GCSAML: variants seen among roughly 807,000 people sequenced by gnomAD.
The protein encoded by GCSAML is germinal center-associated signaling and motility-like protein.
In GCSAML, 9 loss-of-function variants were observed where a neutral mutation model predicts 13.0. The ratio of observed to expected loss-of-function variants is 0.69; its 90% CI spans 0.42 to 1.21. The LOEUF (loss-of-function observed/expected upper bound fraction) is 1.21. Among genes scored for constraint, GCSAML ranks in the 50% most tolerant of loss-of-function variants. GCSAML has a pLI of 0.00. For missense variants in GCSAML, 143 were observed against 153.4 expected, an observed-to-expected ratio of 0.93 and a Z score of 0.36; for synonymous variants, 37 against 52.9, an observed-to-expected ratio of 0.70 and a Z score of 1.31.
At chr1:247,522,230 CG>C (rs1666465269) in intron 1 of GCSAML, among the ~76,000 whole-genome samples, 1 of 106,448 alleles carries the variant, frequency 9.4e-6, no homozygotes, top group Admixed American at 9.4e-5. Flanking sequence ...CCCAGCCAGC[CG>C]CCCTGTCCGG....
chr1:247,541,475 A>C (rs377697166), intron 2 of GCSAML, among the ~76,000 whole-genome samples: 4 of 152,106 alleles, frequency 2.6e-5, no homozygotes, highest in Non-Finnish European at 1.5e-5. Flanking sequence ...CTCATCCCCA[A>C]ATGGCTGAAA....
chr1:247,522,268 C>G (rs1484768433), intron 1 of GCSAML, among the ~76,000 whole-genome samples: 1 of 101,048 alleles, frequency 9.9e-6, no homozygotes. Context: ...AGCCCCCACC[C>G]GGCTAGCCGC....
chr1:247,564,501 AC>A (rs1304245907), intron 3 of GCSAML, among the ~76,000 whole-genome samples: 5 of 152,190 alleles, frequency 3.3e-5, no homozygotes, highest in African/African-American at 9.7e-5. Flanking sequence ...GGACAAGTAT[AC>A]CTAAAGGAAA....
At chr1:247,558,154 G>A (rs1187664395) in intron 2 of GCSAML, among the ~76,000 whole-genome samples, 2 of 152,198 alleles carry the variant, frequency 1.3e-5, no homozygotes, top group Non-Finnish European at 2.9e-5. Context: ...AGTCAGCATG[G>A]TGAGGAAGAT....
intron 1 of GCSAML, among the ~76,000 whole-genome samples, chr1:247,550,615 C>T (rs995354948): frequency 1.3e-5 from 2 of 151,316 alleles, no homozygotes; most frequent in Admixed American, 6.6e-5. Context: ...CCAGCCTGGG[C>T]GACAGAGCAA....
intron 1 of GCSAML, among the ~76,000 whole-genome samples, chr1:247,522,632 GA>G (rs1666492618): frequency 6.6e-6 from 1 of 152,152 alleles, no homozygotes; most frequent in Non-Finnish European, 1.5e-5. Flanking sequence ...CATGCTCTCT[GA>G]AACATGTGCT....
intron 2 of GCSAML, chr1:247,529,043 A>G (rs1666798197): frequency 6.6e-6 from 1 of 152,296 alleles, no homozygotes; most frequent in Non-Finnish European, 1.5e-5. Flanking sequence ...TGGGCTCAGC[A>G]TTATGACATT....
At chr1:247,512,386 G>T (rs1346486212) in intron 1 of GCSAML, among the ~76,000 whole-genome samples, 1 of 151,762 alleles carries the variant, frequency 6.6e-6, no homozygotes, top group South Asian at 2.1e-4. Context: ...CTCTAAACTG[G>T]TTATTCTAGT....
At chr1:247,572,490 G>A (rs1276437861) in intron 4 of GCSAML, among the ~76,000 whole-genome samples, 3 of 152,130 alleles carry the variant, frequency 2.0e-5, no homozygotes, top group Non-Finnish European at 4.4e-5. Context: ...AGTTTGCTGG[G>A]GATCCACTCC....
intron 1 of GCSAML, among the ~76,000 whole-genome samples, chr1:247,511,459 C>A (rs1666034697): frequency 6.6e-6 from 1 of 152,088 alleles, no homozygotes; most frequent in African/African-American, 2.4e-5. Flanking sequence ...TGGGTCTTGA[C>A]TCTTTATTCA....
Position 247,574,078 on chromosome 1 carries a change from G to A in GCSAML, c.169-65G>A, listed in dbSNP as rs1668737980. 2.5e-6 allele frequency: 4 copies of A among 1,581,436 alleles called. No homozygotes were observed. In the South Asian group the frequency reaches 4.7e-5, roughly 18 times the overall value. ...GGTGTATAAAGAAGAAGGGAAGGTA[G>A]TACACTGAGTTCAATTTATGAATGA... is the stretch of plus-strand genomic sequence containing the variant. On this transcript the variant is annotated intron_variant, in intron 4 of 4. Coordinates refer to ENST00000366488, the MANE Select transcript of GCSAML (RefSeq NM_145278.5).
At chr1:247,521,776 GATTGCAGCCTCT>G (rs1396391751) in intron 1 of GCSAML, among the ~76,000 whole-genome samples, 4 of 152,108 alleles carry the variant, frequency 2.6e-5, no homozygotes, top group African/African-American at 9.6e-5. Context: ...AAAGTGCCGA[GATTGCAGCCTCT>G]GCCTGGCCAC....
At chr1:247,550,568 C>A (rs1667738226) in intron 1 of GCSAML, among the ~76,000 whole-genome samples, 1 of 151,920 alleles carries the variant, frequency 6.6e-6, no homozygotes, top group Non-Finnish European at 1.5e-5. Flanking sequence ...ACCCGGGAGG[C>A]GGAGCTTGCA....
chr1:247,563,341 T>C (rs1044625388), intron 2 of GCSAML, among the ~76,000 whole-genome samples: 4 of 152,238 alleles, frequency 2.6e-5, no homozygotes, highest in African/African-American at 9.6e-5. Context: ...TAATAATATA[T>C]GTAGTCTGAT....
At chr1:247,525,627 AC>A (rs1186726102) in intron 1 of GCSAML, 1 of 152,286 alleles carries the variant, frequency 6.6e-6, no homozygotes, top group Non-Finnish European at 1.5e-5. Flanking sequence ...AGGAACCTCC[AC>A]GTCTTCAGCT....
intron 1 of GCSAML, among the ~76,000 whole-genome samples, chr1:247,520,483 A>G (rs564542874): frequency 1.1e-4 from 17 of 151,950 alleles, no homozygotes; most frequent in African/African-American, 4.1e-4. Flanking sequence ...GCCAACCCCC[A>G]TATTGAGTTA....
intron 1 of GCSAML, among the ~76,000 whole-genome samples, chr1:247,514,821 T>C (rs1666158340): frequency 6.6e-6 from 1 of 152,230 alleles, no homozygotes; most frequent in Non-Finnish European, 1.5e-5. Flanking sequence ...TTGGTCAATG[T>C]CCCGATTTTT....
chr1:247,511,298 T>G (rs1475213938), intron 1 of GCSAML, among the ~76,000 whole-genome samples: 1 of 152,226 alleles, frequency 6.6e-6, no homozygotes, highest in Non-Finnish European at 1.5e-5. Flanking sequence ...TGATCTTTGT[T>G]GGTTTAAAGT....
intron 2 of GCSAML, chr1:247,531,927 G>A (rs1338035684): frequency 1.2e-6 from 2 of 1,614,062 alleles, no homozygotes; most frequent in Non-Finnish European, 1.7e-6. Context: ...CCATCTCATT[G>A]AGGCTGGTAT....
Sources: allele counts gnomAD v4.1 joint callset (sites outside exome capture counted in the v4.1 genomes callset), GRCh38; gene constraint gnomAD v4.1.1; transcripts MANE v1.5; gene names NCBI Gene and HGNC (gene_info 2026-07-23, HGNC 2026-07-21).